Variants in LSAMP observed in about 807,000 individuals in gnomAD.
The protein encoded by LSAMP is limbic system associated membrane protein, also known as limbic system-associated membrane protein.
LSAMP carries 7 observed loss-of-function variants against 38.6 expected under a neutral mutation model. That is an observed-to-expected ratio of 0.18 (90% CI 0.10 to 0.34). The LOEUF (loss-of-function observed/expected upper bound fraction) is 0.34. LSAMP is among the 10% of genes least tolerant of loss of function. LSAMP has a pLI of 1.00. For missense variants in LSAMP, 313 were observed against 420.0 expected, an observed-to-expected ratio of 0.75 and a Z score of 2.23; for synonymous variants, 154 against 166.8, an observed-to-expected ratio of 0.92 and a Z score of 0.59.
intron 3 of LSAMP, among the ~76,000 whole-genome samples, chr3:116,002,316 G>A (rs1236684011): frequency 6.6e-6 from 1 of 152,090 alleles, no homozygotes; most frequent in Non-Finnish European, 1.5e-5. Context: ...AGAACTTGAA[G>A]TTAGAGCATA....
intron 6 of LSAMP, among the ~76,000 whole-genome samples, chr3:115,829,417 A>C (rs1226540021): frequency 6.6e-6 from 1 of 152,234 alleles, no homozygotes; most frequent in Non-Finnish European, 1.5e-5. Flanking sequence ...AATAATTTTC[A>C]TGTGTATTAA....
chr3:116,083,395 T>C (rs1174962541), intron 2 of LSAMP, among the ~76,000 whole-genome samples: 1 of 152,216 alleles, frequency 6.6e-6, no homozygotes, highest in African/African-American at 2.4e-5. Context: ...AAAATATTAG[T>C]TTTATGTATA....
chr3:116,313,570 A>C (rs1196228212), intron 1 of LSAMP, among the ~76,000 whole-genome samples: 2 of 152,222 alleles, frequency 1.3e-5, no homozygotes, highest in African/African-American at 2.4e-5. Context: ...TGAGACACGA[A>C]GTCATGTGCC....
intron 3 of LSAMP, among the ~76,000 whole-genome samples, chr3:115,904,315 G>A (rs1225754269): frequency 2.0e-5 from 3 of 152,000 alleles, no homozygotes; most frequent in Non-Finnish European, 4.4e-5. Context: ...CTAAAACAAT[G>A]TAACTTAGAA....
intron 1 of LSAMP, among the ~76,000 whole-genome samples, chr3:116,213,598 G>A (rs1318637504): frequency 2.0e-5 from 3 of 152,148 alleles, no homozygotes; most frequent in Non-Finnish European, 4.4e-5. Flanking sequence ...AGTTTATTAT[G>A]AAACTCAATA....
chr3:116,009,002 T>C (rs542967126), intron 3 of LSAMP, among the ~76,000 whole-genome samples: 2 of 152,342 alleles, frequency 1.3e-5, no homozygotes, highest in African/African-American at 4.8e-5. Context: ...CCAATTCTGA[T>C]AGTCAGAGTC....
chr3:115,987,657 G>A (rs543385743), intron 3 of LSAMP, among the ~76,000 whole-genome samples: 12 of 152,184 alleles, frequency 7.9e-5, no homozygotes, highest in Admixed American at 3.9e-4. Flanking sequence ...GTTTTACAAG[G>A]TTTCATGTAT....
At chr3:116,077,540 AT>A (rs1559733708) in intron 2 of LSAMP, among the ~76,000 whole-genome samples, 1 of 152,106 alleles carries the variant, frequency 6.6e-6, no homozygotes, top group African/African-American at 2.4e-5. Flanking sequence ...ATTTAATATA[AT>A]TTTTTACTTT....
At chr3:115,844,637 A>G (rs1935098584) in intron 4 of LSAMP, among the ~76,000 whole-genome samples, 1 of 152,106 alleles carries the variant, frequency 6.6e-6, no homozygotes, top group African/African-American at 2.4e-5. Flanking sequence ...CTCGTTTGAG[A>G]GTTTAATACT....
intron 1 of LSAMP, among the ~76,000 whole-genome samples, chr3:116,131,246 C>T (rs1317338641): frequency 6.6e-6 from 1 of 151,958 alleles, no homozygotes; most frequent in Non-Finnish European, 1.5e-5. Context: ...CCACCTTGGC[C>T]TCCCTAAGAG....
At chr3:116,189,159 A>G (rs1406748765) in intron 1 of LSAMP, among the ~76,000 whole-genome samples, 1 of 152,206 alleles carries the variant, frequency 6.6e-6, no homozygotes, top group African/African-American at 2.4e-5. Context: ...AAAGATTAAT[A>G]TATGGTCATT....
At chr3:116,372,988 T>C (rs1010140338) in intron 1 of LSAMP, among the ~76,000 whole-genome samples, 2 of 151,466 alleles carry the variant, frequency 1.3e-5, no homozygotes, top group Admixed American at 1.3e-4. Context: ...CCTGTACCAT[T>C]TTACATTCTT....
At chr3:116,080,083 A>G (rs558688608) in intron 2 of LSAMP, among the ~76,000 whole-genome samples, 15 of 152,340 alleles carry the variant, frequency 9.8e-5, no homozygotes, top group Admixed American at 2.6e-4. Flanking sequence ...TCCAAGTAAA[A>G]ATAACTTGCC....
At chr3:116,310,346 A>C (rs2047540503) in intron 1 of LSAMP, among the ~76,000 whole-genome samples, 2 of 152,180 alleles carry the variant, frequency 1.3e-5, no homozygotes, top group Non-Finnish European at 2.9e-5. Flanking sequence ...ACTTTTAGCT[A>C]CTAAAACTGC....
intron 3 of LSAMP, among the ~76,000 whole-genome samples, chr3:115,888,566 G>T (rs1936514588): frequency 1.3e-5 from 2 of 151,856 alleles, no homozygotes; most frequent in African/African-American, 2.4e-5. Flanking sequence ...TTTTCAAAAA[G>T]AAGTTAGGGA....
chr3:115,825,342 A>G (rs1934373620), intron 6 of LSAMP, among the ~76,000 whole-genome samples: 1 of 152,224 alleles, frequency 6.6e-6, no homozygotes, highest in African/African-American at 2.4e-5. Context: ...GAATGCTTCA[A>G]TAACAAGTTT....
intron 1 of LSAMP, among the ~76,000 whole-genome samples, chr3:116,270,856 C>G (rs897556752): frequency 6.6e-6 from 1 of 152,106 alleles, no homozygotes; most frequent in African/African-American, 2.4e-5. Flanking sequence ...TAAAAAAATA[C>G]TGTAACTTAA....
chr3:116,389,949 A>G (rs983150572), intron 1 of LSAMP, among the ~76,000 whole-genome samples: 1 of 152,212 alleles, frequency 6.6e-6, no homozygotes, highest in Non-Finnish European at 1.5e-5. Context: ...TTACTGCTGC[A>G]TAATGTATAG....
chr3:115,864,719 G>C lies in LSAMP; in HGVS notation c.515-12102C>G, dbSNP rs181071779. ...CTCGCACCACCTCCTAACCCTCCCA[G>C]CCTAAACAGTGTGAACCGCAAAATG... On this transcript the variant is annotated intron_variant, in intron 3 of 6. Transcript: ENST00000490035. Among the ~76,000 whole-genome samples the C allele has an allele frequency of 3.7e-4, 57 of 152,136 alleles. 2 individuals are homozygous for C. The highest frequency in any genetic ancestry group is 1.4e-3 in the African/African-American group (57 of 41,502).
Sources: allele counts gnomAD v4.1 joint callset (sites outside exome capture counted in the v4.1 genomes callset), GRCh38; gene constraint gnomAD v4.1.1; transcripts MANE v1.5; gene names NCBI Gene and HGNC (gene_info 2026-07-23, HGNC 2026-07-21).